KAZN: variants seen among roughly 807,000 people sequenced by gnomAD.
KAZN encodes kazrin, periplakin interacting protein, also known as kazrin.
Under a neutral mutation model 87.4 loss-of-function variants are expected in KAZN, and 40 were observed. The ratio of observed to expected loss-of-function variants is 0.46; its 90% CI spans 0.36 to 0.60. The LOEUF is 0.60. KAZN is among the 20% of genes least tolerant of loss of function. The pLI, the probability that KAZN is intolerant of heterozygous loss-of-function variation, is 0.00. For synonymous variants in KAZN, 466 were observed against 458.3 expected (o/e 1.02, Z -0.22); for missense variants, 898 against 1,073.9 (o/e 0.84, Z 2.29).
chr1:14,933,579 T>C (rs1247456770), intron 1 of KAZN, among the ~76,000 whole-genome samples: 1 of 152,102 alleles, frequency 6.6e-6, no homozygotes, highest in Non-Finnish European at 1.5e-5. Context: ...CCAGGTATCT[T>C]TTTCCAATAA....
intron 2 of KAZN, among the ~76,000 whole-genome samples, chr1:14,589,479 C>T (rs888363723): frequency 1.1e-4 from 17 of 152,164 alleles, no homozygotes; most frequent in Non-Finnish European, 7.4e-5. Context: ...ACAGTGAGTA[C>T]TGAATATTAG....
At chr1:14,219,423 G>C (rs960896636) in intron 2 of KAZN, among the ~76,000 whole-genome samples, 1 of 152,034 alleles carries the variant, frequency 6.6e-6, no homozygotes, top group African/African-American at 2.4e-5. Flanking sequence ...GCAGTTTTTT[G>C]TATCTGTATT....
At chr1:14,219,753 C>A (rs1198115362) in intron 2 of KAZN, among the ~76,000 whole-genome samples, 1 of 152,144 alleles carries the variant, frequency 6.6e-6, no homozygotes, top group East Asian at 1.9e-4. Flanking sequence ...CTTACCAGGG[C>A]AATAACATTT....
intron 1 of KAZN, among the ~76,000 whole-genome samples, chr1:13,900,315 T>C (rs1639202278): frequency 6.6e-6 from 1 of 152,090 alleles, no homozygotes; most frequent in Non-Finnish European, 1.5e-5. Flanking sequence ...ATTTCATTCC[T>C]TTCCTCCAGC....
chr1:14,591,305 T>G (rs1169075661), intron 2 of KAZN, among the ~76,000 whole-genome samples: 2 of 152,058 alleles, frequency 1.3e-5, no homozygotes, highest in African/African-American at 4.8e-5. Context: ...CTGGGTTATA[T>G]ATTTTGCTTG....
chr1:14,823,156 C>T (rs918775578), intron 1 of KAZN, among the ~76,000 whole-genome samples: 2 of 152,188 alleles, frequency 1.3e-5, no homozygotes, highest in African/African-American at 4.8e-5. Context: ...CTGGGAAGGC[C>T]CGTCGCCTCG....
rs56413130 is a variant in KAZN at position 14,644,081 on chromosome 1, C to T, written c.226+44858C>T. Among the ~76,000 whole-genome samples the T allele has an allele frequency of 9.1e-3, 1,333 of 147,092 alleles. 20 individuals are homozygous for T. Among genetic ancestry groups the T allele is most frequent in the African/African-American group, 0.032 (1,265 of 39,642 alleles). ...GGCTGGAGTGCAGTGGCGCAATCTC[C>T]GCTCACTGCAACCTCCACCTCTCGG... On this transcript the variant is annotated intron_variant, in intron 1 of 14. Transcript: ENST00000376030.
chr1:14,524,792 T>C (rs913526803), intron 2 of KAZN, among the ~76,000 whole-genome samples: 1 of 152,236 alleles, frequency 6.6e-6, no homozygotes, highest in Non-Finnish European at 1.5e-5. Context: ...GATTCTCATA[T>C]GTATGATAAA....
At chr1:14,021,282 T>G (rs76704435) in intron 1 of KAZN, among the ~76,000 whole-genome samples, 3,368 of 152,294 alleles carry the variant, frequency 0.022, 115 homozygotes, top group African/African-American at 0.076. Context: ...TGAGAACCAT[T>G]GTCCAAGAGC....
intron 2 of KAZN, among the ~76,000 whole-genome samples, chr1:14,442,583 T>A (rs1666764199): frequency 6.6e-6 from 1 of 152,172 alleles, no homozygotes; most frequent in African/African-American, 2.4e-5. Context: ...TGGGTTAACC[T>A]GGTGGGGTGC....
At chr1:14,508,806 T>C (rs1670751527) in intron 2 of KAZN, among the ~76,000 whole-genome samples, 1 of 152,178 alleles carries the variant, frequency 6.6e-6, no homozygotes, top group Admixed American at 6.5e-5. Flanking sequence ...GTCACCATGG[T>C]AACAGCAACA....
At chr1:14,013,077 G>A (rs368229297) in intron 1 of KAZN, among the ~76,000 whole-genome samples, 2 of 152,100 alleles carry the variant, frequency 1.3e-5, no homozygotes, top group East Asian at 1.9e-4. Context: ...TTTAAAGATG[G>A]TGACAACATT....
intron 2 of KAZN, among the ~76,000 whole-genome samples, chr1:14,977,883 C>CT (rs34375176): frequency 0.014 from 1,258 of 91,138 alleles, 98 homozygotes; most frequent in South Asian, 0.017. Context: ...GGGTGCACGT[C>CT]TTTTTTTTTT....
At chr1:13,981,207 G>A (rs1415678189) in intron 1 of KAZN, among the ~76,000 whole-genome samples, 1 of 141,778 alleles carries the variant, frequency 7.1e-6, no homozygotes, top group Non-Finnish European at 1.5e-5. Context: ...GGCCTAAGAA[G>A]ACTGTATGGA....
At chr1:14,766,711 C>T (rs1461983399) in intron 1 of KAZN, among the ~76,000 whole-genome samples, 1 of 149,868 alleles carries the variant, frequency 6.7e-6, no homozygotes, top group African/African-American at 2.5e-5. Context: ...CAAGTGCCAA[C>T]ATTTATCCCA....
At chr1:14,317,099 A>G (rs2100828101) in intron 2 of KAZN, among the ~76,000 whole-genome samples, 1 of 151,974 alleles carries the variant, frequency 6.6e-6, no homozygotes, top group South Asian at 2.1e-4. Context: ...TTTTCTGTCC[A>G]CTTCTTCTAT....
Position 14,537,159 on chromosome 1 carries a change from G to A in KAZN, c.250-61824G>A, listed in dbSNP as rs527657571. 1.6e-3 allele frequency among the ~76,000 whole-genome samples: 237 copies of A among 152,298 alleles called. 1 individual carries two copies. Among genetic ancestry groups the A allele is most frequent in the South Asian group, 2.7e-3 (13 of 4,826 alleles). ...CCTCCAGTTTACACTCCAAATAACCGTCCACAGAGCCTGAATTTTGAGACA... is the reference window on the plus strand; with the variant it reads ...CCTCCAGTTTACACTCCAAATAACCATCCACAGAGCCTGAATTTTGAGACA... On this transcript the variant is annotated intron_variant, in intron 2 of 16. Transcript: ENST00000636203.
intron 8 of KAZN, among the ~76,000 whole-genome samples, chr1:15,074,800 CTGTG>C (rs1434164025): frequency 6.6e-6 from 1 of 152,186 alleles, no homozygotes. Context: ...ACTTCACCTG[CTGTG>C]CCTTCGTTTC....
chr1:14,598,615 C>T, upstream of KAZN: 1 of 1,081,560 alleles, frequency 9.2e-7, no homozygotes, highest in Non-Finnish European at 1.1e-6. This position sits in a 1 kb window ranked among gnomAD's most constrained non-coding sequence, Gnocchi z 4.2. Flanking sequence ...AGCCTCCGAC[C>T]GAGACCCCCT....
Sources: allele counts gnomAD v4.1 joint callset (sites outside exome capture counted in the v4.1 genomes callset), GRCh38; gene constraint gnomAD v4.1.1; non-coding constraint Gnocchi (gnomAD v3.1); transcripts MANE v1.5; gene names NCBI Gene and HGNC (gene_info 2026-07-23, HGNC 2026-07-21).